Variants in RBBP4 observed in about 807,000 individuals in gnomAD.
RBBP4 encodes RB binding protein 4, chromatin remodeling factor.
RBBP4 carries 3 observed loss-of-function variants against 57.2 expected under a neutral mutation model. The observed-to-expected ratio is 0.05, with a 90% CI of 0.02 to 0.14. The LOEUF (loss-of-function observed/expected upper bound fraction) is 0.14. RBBP4 is among the 10% of genes least tolerant of loss of function. The probability of loss-of-function intolerance (pLI) is 1.00; values close to 1 mark genes in which losing one functional copy is unlikely to be tolerated. For missense variants in RBBP4, 107 were observed against 520.6 expected, an observed-to-expected ratio of 0.21 and a Z score of 7.73; for synonymous variants, 151 against 171.5, an observed-to-expected ratio of 0.88 and a Z score of 0.93.
At position 32,672,675 on chromosome 1, in the gene RBBP4, A is replaced by G. The variant is rs556542655; in HGVS notation, c.1077A>G (p.Ala359=). 186 of 1,614,108 alleles carry G rather than the reference A, an allele frequency of 1.2e-4. 3 individuals carry two copies. The East Asian group carries it at 4.1e-3, about 36-fold the overall frequency. Residue 359 remains alanine, a synonymous_variant, in exon 10 of 12, where the codon GCA becomes GCG. Coordinates refer to ENST00000373493, the MANE Select transcript of RBBP4 (RefSeq NM_005610.3). Reference sequence around the variant, plus strand: ...GAGAGGAACAATCCCCAGAAGATGCAGAAGACGGGCCACCAGAGTTGTTGG... The same window carrying G: ...GAGAGGAACAATCCCCAGAAGATGCGGAAGACGGGCCACCAGAGTTGTTGG... The part of the protein sequence containing the change: ...KIGEEQSPED[A]EDGPPELLFI...
chr1:32,682,223 A>G lies in RBBP4; in HGVS notation c.*2518A>G, dbSNP rs1649487314. On this transcript the variant is annotated 3_prime_UTR_variant, in exon 12 of 12. Transcript: ENST00000373493. The stretch of plus-strand genomic sequence containing the variant: ...GCAAGGTTATAATTTCTCAAACATT[A>G]AGCATATTATCAGTCATGTGGATTC... The G allele has an allele frequency of 4.4e-6, 1 of 228,200 alleles. No homozygotes were observed. Among genetic ancestry groups the G allele is most frequent in the Non-Finnish European group, 8.6e-6 (1 of 115,762 alleles). The allele number at this position is 228,200 out of a possible 1,614,324, so 14.1% of individuals were successfully genotyped here. A position where few individuals can be genotyped will look rare whatever the true frequency, so the allele number is the denominator to read the frequency against.
intron 3 of RBBP4, among the ~76,000 whole-genome samples, chr1:32,659,630 GTT>G: frequency 6.6e-6 from 1 of 152,010 alleles, no homozygotes; most frequent in East Asian, 1.9e-4. Flanking sequence ...GTGATGTATT[GTT>G]TTCTGAAGGA....
At chr1:32,656,257 C>T (rs1418711467) in intron 2 of RBBP4, among the ~76,000 whole-genome samples, 6 of 152,150 alleles carry the variant, frequency 3.9e-5, no homozygotes, top group Non-Finnish European at 8.8e-5. Context: ...TGCAGTAACA[C>T]GATCTCTGCT....
chr1:32,661,989 G>A (rs144936267), intron 3 of RBBP4, among the ~76,000 whole-genome samples: 6,207 of 135,738 alleles, frequency 0.046, 233 homozygotes, highest in Admixed American at 0.14. Flanking sequence ...GGGTTCAAGC[G>A]ATTCTCCTGC....
At position 32,685,491 on chromosome 1, in the gene RBBP4, T is replaced by C. The variant is rs576681754; in HGVS notation, c.*5786T>C. 6.6e-6 allele frequency: 1 copy of C among 152,342 alleles called. No homozygotes were observed. Among genetic ancestry groups the C allele is most frequent in the African/African-American group, 2.4e-5 (1 of 41,582 alleles). The allele number at this position is 152,342 out of a possible 1,614,324, so 9.4% of individuals were successfully genotyped here. On this transcript the variant is annotated 3_prime_UTR_variant, in exon 12 of 12. Coordinates refer to ENST00000373493, the MANE Select transcript of RBBP4 (RefSeq NM_005610.3). ...GAAGAATACTAAGGAATCCAGTTGT[T>C]GGGGTACATGCTATTATTAGAAGGA...
At chr1:32,657,722 GT>G in intron 3 of RBBP4, 150 bp downstream of exon 3, 1 of 855,252 alleles carries the variant, frequency 1.2e-6, no homozygotes, top group Non-Finnish European at 1.7e-6. Flanking sequence ...TTATATTAGA[GT>G]TTTAGGTATC....
In RBBP4 at chr1:32,669,183, T is replaced by G. The variant is rs1246880363; in HGVS notation, c.762-48T>G. 1 of 1,611,304 alleles carries G rather than the reference T, an allele frequency of 6.2e-7. No homozygotes were observed. Among genetic ancestry groups the G allele is most frequent in the South Asian group, 1.1e-5 (1 of 90,344 alleles). ...TAAATATCTTGTCTAAGTTTTATGTTTAGTCACCATTTCAAGGTTTTTTTC... is the reference window on the plus strand; with the variant it reads ...TAAATATCTTGTCTAAGTTTTATGTGTAGTCACCATTTCAAGGTTTTTTTC... On this transcript the variant is annotated intron_variant, in intron 6 of 11. Coordinates refer to ENST00000373493, the MANE Select transcript of RBBP4 (RefSeq NM_005610.3). This position sits in a 1 kb window ranked among gnomAD's most constrained non-coding sequence, Gnocchi z 4.9.
intron 3 of RBBP4, among the ~76,000 whole-genome samples, chr1:32,664,094 T>C (rs930032289): frequency 2.3e-4 from 35 of 151,520 alleles, no homozygotes; most frequent in African/African-American, 8.5e-4. Flanking sequence ...GCCCGGCTAA[T>C]TTTTTTTGTA....
intron 1 of RBBP4, 138 bp downstream of exon 1, chr1:32,651,460 C>G: frequency 1.5e-6 from 2 of 1,366,202 alleles, no homozygotes; most frequent in Non-Finnish European, 1.9e-6. Context: ...AGGGAACTCC[C>G]CGCGGGGCGT....
chr1:32,681,692 A>T lies in RBBP4; in HGVS notation c.*1987A>T. 9.0e-7 allele frequency: 1 copy of T among 1,114,266 alleles called. No individual in the cohort carries two copies. The highest frequency in any genetic ancestry group is 1.3e-6 in the Non-Finnish European group (1 of 753,112). The allele number at this position is 1,114,266 out of a possible 1,614,324, so 69.0% of individuals were successfully genotyped here. On this transcript the variant is annotated 3_prime_UTR_variant, in exon 12 of 12. Transcript: ENST00000373493. ...CTCCGGCCAACTCTAGAATCTTTTT[A>T]AGCAGGTCAGCCAGTATTTGCAACT... is the stretch of plus-strand genomic sequence containing the variant.
chr1:32,654,738 T>C (rs1648057087), intron 2 of RBBP4, among the ~76,000 whole-genome samples: 1 of 152,148 alleles, frequency 6.6e-6, no homozygotes, highest in Non-Finnish European at 1.5e-5. Flanking sequence ...TTGTTACTCA[T>C]ACTGGAGTGC....
At chr1:32,678,622 C>T (rs1343494072) in intron 11 of RBBP4, among the ~76,000 whole-genome samples, 30 of 113,156 alleles carry the variant, frequency 2.7e-4, no homozygotes, top group Non-Finnish European at 2.6e-4. Flanking sequence ...CACAGTCTTG[C>T]TTTGCCACCC....
At position 32,681,995 on chromosome 1, in the gene RBBP4, GCC is replaced by G; in HGVS notation, c.*2291_*2292del. 1.4e-6 allele frequency: 1 copy of G among 739,956 alleles called. No individual in the cohort carries two copies. The highest frequency in any genetic ancestry group is 2.3e-6 in the Non-Finnish European group (1 of 434,408). 45.8% of individuals were successfully genotyped at this position (739,956 alleles called of 1,614,324 possible). ...ACTTTCCCCTAGCAAATATTTGGAT[GCC>G]TCCTGTTTGTCAAATAGAATGAATG... is the stretch of plus-strand genomic sequence containing the variant. On this transcript the variant is annotated 3_prime_UTR_variant, in exon 12 of 12. Transcript: ENST00000373493.
At position 32,684,107 on chromosome 1, in the gene RBBP4, C is replaced by T; in HGVS notation, c.*4402C>T. On this transcript the variant is annotated 3_prime_UTR_variant, in exon 12 of 12. Coordinates refer to ENST00000373493, the MANE Select transcript of RBBP4 (RefSeq NM_005610.3). ...GCATAGCCCTTTAAAAAGAGAGAGC[C>T]ATTTTCCATGTGTTTTTGGATAAGC... The T allele has an allele frequency of 1.2e-6, 2 of 1,610,976 alleles. No individual in the cohort carries two copies. Among genetic ancestry groups the T allele is most frequent in the South Asian group, 1.1e-5 (1 of 90,758 alleles).
intron 3 of RBBP4, among the ~76,000 whole-genome samples, chr1:32,660,426 A>ATTTTTATTTATTTAT (rs1553194488): frequency 5.5e-4 from 8 of 14,634 alleles, no homozygotes; most frequent in Middle Eastern, 0.17. Context: ...TTATTTATTT[A>ATTTTTATTTATTTAT]TTTTTTTTGA....
At chr1:32,670,973 G>A (rs993394325) in intron 8 of RBBP4, among the ~76,000 whole-genome samples, 32 of 152,180 alleles carry the variant, frequency 2.1e-4, no homozygotes, top group Non-Finnish European at 4.3e-4. Flanking sequence ...GCTTGTGACG[G>A]TATTCTTGCC....
rs540637212 is a variant in RBBP4, at chr1:32,682,884, G to A, written c.*3179G>A. 3.9e-5 allele frequency: 6 copies of A among 152,148 alleles called. No homozygotes were observed. In the South Asian group the frequency reaches 1.2e-3, roughly 32 times the overall value. The allele number at this position is 152,148 out of a possible 1,614,324, so 9.4% of individuals were successfully genotyped here. ...TTCTTTTATCCTTAGTTTCTTTCAC[G>A]GACTCTAGAACTTTTATCAGAATAT... On this transcript the variant is annotated 3_prime_UTR_variant, in exon 12 of 12. Transcript: ENST00000373493.
Position 32,684,552 on chromosome 1 carries a change from A to G in RBBP4, c.*4847A>G, listed in dbSNP as rs1199085128. ...CAGGTTCAAAGAAGTTGTGTCTTGG[A>G]AAAAAAGTGACAATGCTTTTGAAAA... On this transcript the variant is annotated 3_prime_UTR_variant, in exon 12 of 12. Coordinates refer to ENST00000373493, the MANE Select transcript of RBBP4 (RefSeq NM_005610.3). 5 of 933,988 alleles carry G rather than the reference A, an allele frequency of 5.4e-6. No homozygotes were observed. The highest frequency in any genetic ancestry group is 7.7e-6 in the Non-Finnish European group (5 of 648,056). 57.9% of individuals were successfully genotyped at this position (933,988 alleles called of 1,614,324 possible). A position where few individuals can be genotyped will look rare whatever the true frequency, so the allele number is the denominator to read the frequency against.
In RBBP4 at chr1:32,684,996, C is replaced by T. The variant is rs634787; in HGVS notation, c.*5291C>T. 0.97 allele frequency: 148,115 copies of T among 152,206 alleles called. 72,197 individuals are homozygous for T. Among genetic ancestry groups the T allele is most frequent in the East Asian group, 1 (5,174 of 5,174 alleles). The allele number at this position is 152,206 out of a possible 1,614,324, so 9.4% of individuals were successfully genotyped here. ...AGTGAGGGTGTTGGCTATCCTATTG[C>T]TAATTTCCTGCATCCTTTTTTCTTC... is the stretch of plus-strand genomic sequence containing the variant. On this transcript the variant is annotated 3_prime_UTR_variant, in exon 12 of 12. Transcript: ENST00000373493.
Sources: allele counts gnomAD v4.1 joint callset (sites outside exome capture counted in the v4.1 genomes callset), GRCh38; gene constraint gnomAD v4.1.1; non-coding constraint Gnocchi (gnomAD v3.1); transcripts MANE v1.5; gene names NCBI Gene and HGNC (gene_info 2026-07-23, HGNC 2026-07-21).